The following TPD52L2 variants were observed in gnomAD, a reference collection of about 807,000 sequenced individuals.
TPD52L2 encodes tumor protein D54.
In TPD52L2, 19 loss-of-function variants were observed where a neutral mutation model predicts 24.7. The observed-to-expected ratio is 0.77, with a 90% CI of 0.54 to 1.13. The LOEUF (loss-of-function observed/expected upper bound fraction) is 1.13, where lower values mean the gene tolerates loss of function less well. Among genes scored for constraint, TPD52L2 ranks in the 50% most tolerant of loss-of-function variants. The pLI is 0.00. For missense variants in TPD52L2, 236 were observed against 250.4 expected (o/e 0.94, Z 0.39); for synonymous variants, 104 against 100.2 (o/e 1.04, Z -0.23).
intron 2 of TPD52L2, 122 bp downstream of exon 2, chr20:63,869,563 C>G: frequency 8.0e-7 from 1 of 1,243,314 alleles, no homozygotes. Context: ...CTACCCTGCT[C>G]TGTGTTCCGA....
At chr20:63,879,508 A>C (rs2052815955) in intron 4 of TPD52L2, among the ~76,000 whole-genome samples, 1 of 152,094 alleles carries the variant, frequency 6.6e-6, no homozygotes, top group Non-Finnish European at 1.5e-5. Context: ...TCAGGACCCC[A>C]CATCTCATTC....
At chr20:63,882,912 G>C in intron 5 of TPD52L2, 92 bp downstream of exon 5, 1 of 928,744 alleles carries the variant, frequency 1.1e-6, no homozygotes, top group Non-Finnish European at 1.6e-6. Context: ...CTGGAGATCA[G>C]GGCTCAGATG....
intron 3 of TPD52L2, among the ~76,000 whole-genome samples, chr20:63,874,155 G>T (rs536359572): frequency 2.9e-4 from 43 of 150,734 alleles, no homozygotes; most frequent in African/African-American, 1.0e-3. Flanking sequence ...GGGTTCAAGC[G>T]ATTCTCCTGC....
At chr20:63,881,674 A>C (rs2052905502) in intron 4 of TPD52L2, among the ~76,000 whole-genome samples, 1 of 152,190 alleles carries the variant, frequency 6.6e-6, no homozygotes, top group Non-Finnish European at 1.5e-5. Flanking sequence ...TGGGTTTGCC[A>C]GCTCTCCAGG....
chr20:63,871,710 T>G (rs1011764401), intron 2 of TPD52L2, among the ~76,000 whole-genome samples: 1 of 151,148 alleles, frequency 6.6e-6, no homozygotes, highest in African/African-American at 2.4e-5. Context: ...CTTGGCTCAC[T>G]GCAGCCTCTG....
At chr20:63,883,480 C>T (rs2052976084) in intron 5 of TPD52L2, among the ~76,000 whole-genome samples, 1 of 152,186 alleles carries the variant, frequency 6.6e-6, no homozygotes, top group African/African-American at 2.4e-5. Context: ...TGGGCTACCT[C>T]CTGGCTGGGC....
chr20:63,884,963 G>T (rs551542984), intron 5 of TPD52L2, among the ~76,000 whole-genome samples: 1 of 152,298 alleles, frequency 6.6e-6, no homozygotes, highest in East Asian at 1.9e-4. Context: ...TGGAGCCCCT[G>T]GTGTATCCCC....
chr20:63,875,725 C>A, intron 3 of TPD52L2, 91 bp from the exon 4 acceptor site: 1 of 1,354,896 alleles, frequency 7.4e-7, no homozygotes, highest in Non-Finnish European at 1.0e-6. Context: ...CAGCTGGTCC[C>A]TCTCTGTCTT....
At chr20:63,870,534 T>G (rs1054288825) in intron 2 of TPD52L2, among the ~76,000 whole-genome samples, 2 of 140,360 alleles carry the variant, frequency 1.4e-5, no homozygotes, top group African/African-American at 2.6e-5. Context: ...TTTTTTTTTT[T>G]TTTTTTTTTT....
At chr20:63,887,461 TG>T in intron 5 of TPD52L2, 1 of 1,254,692 alleles carries the variant, frequency 8.0e-7, no homozygotes. Flanking sequence ...CTGCTGGGAG[TG>T]GGGGAATCCC....
chr20:63,869,605 G>C (rs2052387546), intron 2 of TPD52L2, among the ~76,000 whole-genome samples, 164 bp downstream of exon 2: 1 of 152,182 alleles, frequency 6.6e-6, no homozygotes, highest in African/African-American at 2.4e-5. Flanking sequence ...TATGTGCCCA[G>C]CTCCATGCAC....
At chr20:63,867,808 A>ATTTTTT in intron 1 of TPD52L2, among the ~76,000 whole-genome samples, 1 of 145,984 alleles carries the variant, frequency 6.9e-6, no homozygotes, top group African/African-American at 2.5e-5. Flanking sequence ...TTTTTGAGAC[A>ATTTTTT]GTCTCAAAAA....
chr20:63,878,052 G>A (rs765970117), intron 4 of TPD52L2, among the ~76,000 whole-genome samples: 7 of 152,274 alleles, frequency 4.6e-5, no homozygotes, highest in Non-Finnish European at 1.0e-4. Context: ...TGGCCATGGC[G>A]CGTGCTCTTC....
At chr20:63,885,870 G>T (rs1445195930) in intron 5 of TPD52L2, 2 of 771,832 alleles carry the variant, frequency 2.6e-6, no homozygotes, top group African/African-American at 3.4e-5. Context: ...GACTGGAGGA[G>T]CCGTCCTGGA....
chr20:63,878,892 C>A (rs914832952), intron 4 of TPD52L2, among the ~76,000 whole-genome samples: 14 of 152,210 alleles, frequency 9.2e-5, no homozygotes, highest in African/African-American at 3.4e-4. Context: ...GGCTCTGACC[C>A]CTGCCCCTTC....
chr20:63,875,705 A>G, intron 3 of TPD52L2, 111 bp from the exon 4 acceptor site: 2 of 1,116,278 alleles, frequency 1.8e-6, no homozygotes, highest in Non-Finnish European at 1.3e-6. Flanking sequence ...TGTGGAGTTG[A>G]TGTTCCTGCC....
intron 5 of TPD52L2, among the ~76,000 whole-genome samples, chr20:63,884,712 T>G (rs932845731): frequency 2.0e-5 from 3 of 152,068 alleles, no homozygotes; most frequent in Non-Finnish European, 4.4e-5. Flanking sequence ...AGAGTTCCTG[T>G]TGCAGTGACG....
At chr20:63,884,346 T>G (rs985464543) in intron 5 of TPD52L2, among the ~76,000 whole-genome samples, 3 of 152,152 alleles carry the variant, frequency 2.0e-5, no homozygotes, top group Non-Finnish European at 2.9e-5. Context: ...ACAGAGCATC[T>G]TCAGGAAGTA....
intron 2 of TPD52L2, among the ~76,000 whole-genome samples, chr20:63,872,604 C>G (rs1302029126): frequency 3.3e-5 from 5 of 152,060 alleles, no homozygotes; most frequent in African/African-American, 1.2e-4. Flanking sequence ...TCTCAAACTC[C>G]TGACCTCAGA....
Sources: allele counts gnomAD v4.1 joint callset (sites outside exome capture counted in the v4.1 genomes callset), GRCh38; gene constraint gnomAD v4.1.1; transcripts MANE v1.5; gene names NCBI Gene and HGNC (gene_info 2026-07-23, HGNC 2026-07-21).